FAT3: variants seen among roughly 807,000 people sequenced by gnomAD.
The protein encoded by FAT3 is FAT atypical cadherin 3, also known as protocadherin Fat 3.
A neutral mutation model predicts 310.2 loss-of-function variants in FAT3; 95 were observed. That is an observed-to-expected ratio of 0.31 (90% confidence interval 0.26 to 0.36). FAT3 has a LOEUF of 0.36. Among genes scored for constraint, FAT3 ranks in the 10% least tolerant of loss-of-function variants. The pLI is 1.00. For missense variants in FAT3, 5,408 were observed against 5,715.6 expected (o/e 0.95, Z 1.74); for synonymous variants, 2,314 against 2,192.9 (o/e 1.06, Z -1.54).
intron 2 of FAT3, among the ~76,000 whole-genome samples, chr11:92,438,940 G>T (rs1951008526): frequency 1.3e-5 from 2 of 152,190 alleles, no homozygotes; most frequent in African/African-American, 2.4e-5. Context: ...CCAGATCCAT[G>T]ATCAGGTTTG....
intron 1 of FAT3, among the ~76,000 whole-genome samples, chr11:92,338,710 G>A (rs1297478485): frequency 2.0e-5 from 3 of 152,142 alleles, no homozygotes; most frequent in South Asian, 2.1e-4. Context: ...AGTGAGATAC[G>A]AGTCAGGTTG....
intron 1 of FAT3, among the ~76,000 whole-genome samples, chr11:92,326,062 G>A (rs1012643013): frequency 1.3e-5 from 2 of 152,200 alleles, no homozygotes; most frequent in Non-Finnish European, 2.9e-5. Context: ...TCTTGGGTAG[G>A]CAACATAATA....
chr11:92,372,728 T>A (rs549419784), intron 2 of FAT3, among the ~76,000 whole-genome samples: 79 of 152,198 alleles, frequency 5.2e-4, no homozygotes, highest in African/African-American at 1.9e-3. Flanking sequence ...TGGCGCGATC[T>A]CGGCTCACTG....
At chr11:92,816,532 C>T (rs1044295933) in intron 13 of FAT3, among the ~76,000 whole-genome samples, 40 of 152,240 alleles carry the variant, frequency 2.6e-4, no homozygotes, top group African/African-American at 9.4e-4. Context: ...ACTGGGGAGA[C>T]TTGGTGAGCA....
At chr11:92,529,993 T>C (rs1337972111) in intron 3 of FAT3, among the ~76,000 whole-genome samples, 1 of 152,234 alleles carries the variant, frequency 6.6e-6, no homozygotes, top group African/African-American at 2.4e-5. Flanking sequence ...GTGTGTGTGC[T>C]GTAAGAATAC....
In FAT3 at chr11:92,565,623, A is replaced by C. The variant is rs561062929; in HGVS notation, c.3607+40675A>C. Among the ~76,000 whole-genome samples, 14 of 151,630 alleles carry C rather than the reference A, an allele frequency of 9.2e-5. No individual in the cohort carries two copies. In the South Asian group the frequency reaches 2.9e-3, roughly 32 times the overall value. ...AGACCAATATCCTTGATGAACATTGATGCAAAAATCCTCAATAAAATACTG... is the reference window on the plus strand; with the variant it reads ...AGACCAATATCCTTGATGAACATTGCTGCAAAAATCCTCAATAAAATACTG... On this transcript the variant is annotated intron_variant, in intron 3 of 27. Coordinates refer to ENST00000525166, the MANE Select transcript of FAT3 (RefSeq NM_001367949.2).
chr11:92,708,600 A>G (rs1944430157), intron 4 of FAT3, among the ~76,000 whole-genome samples: 1 of 152,224 alleles, frequency 6.6e-6, no homozygotes, highest in Non-Finnish European at 1.5e-5. Context: ...TTTCCCTGTG[A>G]TTCCTGAAGC....
At chr11:92,614,376 G>A (rs1160538397) in intron 3 of FAT3, among the ~76,000 whole-genome samples, 3 of 152,076 alleles carry the variant, frequency 2.0e-5, no homozygotes, top group Non-Finnish European at 4.4e-5. Flanking sequence ...CAATGTACGA[G>A]GGTTCCATTT....
At chr11:92,639,179 C>T (rs1287750774) in intron 3 of FAT3, among the ~76,000 whole-genome samples, 1 of 152,176 alleles carries the variant, frequency 6.6e-6, no homozygotes, top group African/African-American at 2.4e-5. Context: ...TGAATCAGTA[C>T]CTGCATGATG....
At chr11:92,442,794 C>T (rs532796089) in intron 2 of FAT3, among the ~76,000 whole-genome samples, 5 of 152,266 alleles carry the variant, frequency 3.3e-5, no homozygotes, top group Admixed American at 3.3e-4. Context: ...CTGAAAGGAA[C>T]CCCAAATGAC....
intron 7 of FAT3, among the ~76,000 whole-genome samples, chr11:92,781,203 C>T (rs1406601166): frequency 6.6e-6 from 1 of 151,236 alleles, no homozygotes; most frequent in African/African-American, 2.4e-5. Flanking sequence ...CTGCCTCAGG[C>T]TCCAGAGTAG....
At chr11:92,851,915 G>T (rs766931183) in intron 19 of FAT3, among the ~76,000 whole-genome samples, 3 of 151,992 alleles carry the variant, frequency 2.0e-5, no homozygotes, top group South Asian at 2.1e-4. Context: ...CAGAGAGGGG[G>T]TCTTTAAGGC....
At chr11:92,865,723 C>G (rs1949227875) in intron 21 of FAT3, among the ~76,000 whole-genome samples, 1 of 152,224 alleles carries the variant, frequency 6.6e-6, no homozygotes, top group Admixed American at 6.5e-5. Flanking sequence ...ACAGGGGATT[C>G]AAAGACATGT....
chr11:92,876,574 A>G (rs568209939), intron 22 of FAT3, among the ~76,000 whole-genome samples: 1 of 152,040 alleles, frequency 6.6e-6, no homozygotes, highest in Non-Finnish European at 1.5e-5. Context: ...TCTAATATCT[A>G]TGTGTCACTC....
At chr11:92,711,030 G>A (rs921848302) in intron 4 of FAT3, among the ~76,000 whole-genome samples, 4 of 152,060 alleles carry the variant, frequency 2.6e-5, no homozygotes, top group African/African-American at 9.7e-5. Flanking sequence ...TTCATTGTAA[G>A]AAAATTTAAC....
At chr11:92,389,636 G>C (rs12792983) in intron 2 of FAT3, among the ~76,000 whole-genome samples, 18,141 of 152,114 alleles carry the variant, frequency 0.12, 1,110 homozygotes, top group South Asian at 0.18. Flanking sequence ...TGTGTTGTAT[G>C]GATGTGGCTT....
chr11:92,601,163 A>G (rs1333660760), intron 3 of FAT3, among the ~76,000 whole-genome samples: 1 of 151,980 alleles, frequency 6.6e-6, no homozygotes, highest in African/African-American at 2.4e-5. Flanking sequence ...GTTTTTTAAA[A>G]GATTATCTAG....
At chr11:92,525,020 T>G (rs1228920712) in intron 3 of FAT3, 72 bp downstream of exon 3, 1 of 1,236,810 alleles carries the variant, frequency 8.1e-7, no homozygotes, top group East Asian at 2.3e-5. Context: ...TGACACTTTC[T>G]GTACTCATTT....
chr11:92,589,659 C>T lies in FAT3; in HGVS notation c.3607+64711C>T, dbSNP rs969570551. ...CTAAGCTTTTTTCTTGATTGAGTTT[C>T]GGTGGTGTTTCTCTCTCGCTCTCCC... On this transcript the variant is annotated intron_variant, in intron 3 of 27. Coordinates refer to ENST00000525166, the MANE Select transcript of FAT3 (RefSeq NM_001367949.2). Among the ~76,000 whole-genome samples, 8 of 152,058 alleles carry T rather than the reference C, an allele frequency of 5.3e-5. No individual in the cohort carries two copies. In the South Asian group the frequency reaches 1.0e-3, roughly 20 times the overall value.
Sources: allele counts gnomAD v4.1 joint callset (sites outside exome capture counted in the v4.1 genomes callset), GRCh38; gene constraint gnomAD v4.1.1; transcripts MANE v1.5; gene names NCBI Gene and HGNC (gene_info 2026-07-23, HGNC 2026-07-21).